The following SH3BP4 variants were observed in gnomAD, a reference collection of about 807,000 sequenced individuals.
SH3BP4 encodes SH3 domain binding protein 4.
In SH3BP4, 33 loss-of-function variants were observed where a neutral mutation model predicts 65.5. The ratio of observed to expected loss-of-function variants is 0.50; its 90% CI spans 0.38 to 0.67. The LOEUF (loss-of-function observed/expected upper bound fraction) is 0.67, where lower values mean the gene tolerates loss of function less well. Among genes scored for constraint, SH3BP4 ranks in the 30% least tolerant of loss-of-function variants. The pLI is 0.00. For synonymous variants in SH3BP4, 552 were observed against 545.5 expected, an observed-to-expected ratio of 1.01 and a Z score of -0.17; for missense variants, 1,134 against 1,261.4, an observed-to-expected ratio of 0.90 and a Z score of 1.53.
chr2:234,979,882 GCCTGGGCCAAGA>G (rs1200950209), intron 1 of SH3BP4: 1 of 152,132 alleles, frequency 6.6e-6, no homozygotes, highest in Non-Finnish European at 1.5e-5. Flanking sequence ...TGACACCCCA[GCCTGGGCCAAGA>G]CTTTGATGGC....
Position 234,952,888 on chromosome 2 carries a change from T to C in SH3BP4, c.-207+718T>C, listed in dbSNP as rs1003266763. The C allele has an allele frequency of 6.6e-6, 1 of 150,530 alleles. No homozygotes were observed. The highest frequency in any genetic ancestry group is 1.5e-5 in the Non-Finnish European group (1 of 67,714). 9.3% of individuals were successfully genotyped at this position (150,530 alleles called of 1,614,324 possible). A position where few individuals can be genotyped will look rare whatever the true frequency, so the allele number is the denominator to read the frequency against. ...AAGCCCGCTCCGCGGCACGGGCGGG[T>C]GTCAGTTGGGACCCCAACCCTGGGT... On this transcript the variant is annotated intron_variant, in intron 1 of 5. Coordinates refer to ENST00000392011, the MANE Select transcript of SH3BP4 (RefSeq NM_014521.3). The surrounding 1 kb of genome is among the most constrained non-coding windows in gnomAD (Gnocchi z 6.5).
chr2:235,041,245 A>G lies in SH3BP4; in HGVS notation c.476A>G (p.Asn159Ser). Residue 159 changes from asparagine to serine, a missense_variant, in exon 4 of 6, where the codon AAC becomes AGC. By Grantham distance (46) the Asn-to-Ser change is conservative. Coordinates refer to ENST00000392011, the MANE Select transcript of SH3BP4 (RefSeq NM_014521.3). This position sits in a 1 kb window ranked among gnomAD's most constrained non-coding sequence, Gnocchi z 6.0. ...GTACCAGGCAGAATGTACAGTAATA[A>G]CCCTTTCTGGAATGGGGTCCAGACC... ...KKVPGRMYSN[N>S]PFWNGVQTNP... 6.2e-7 allele frequency: 1 copy of G among 1,614,074 alleles called. No homozygotes were observed. Among genetic ancestry groups the G allele is most frequent in the Non-Finnish European group, 8.5e-7 (1 of 1,180,012 alleles).
chr2:235,040,861 C>T, intron 3 of SH3BP4, 27 bp from the exon 4 acceptor site: 1 of 1,595,132 alleles, frequency 6.3e-7, no homozygotes, highest in Non-Finnish European at 8.6e-7. Flanking sequence ...TTGCCCTCAC[C>T]ATCTGTTTTC....
chr2:235,028,627 G>A (rs1264469132), intron 2 of SH3BP4, among the ~76,000 whole-genome samples: 2 of 152,314 alleles, frequency 1.3e-5, no homozygotes, highest in African/African-American at 4.8e-5. Flanking sequence ...CAAACAGATG[G>A]TCTTATGTCC....
rs116246145 is a variant in SH3BP4 at position 235,031,037 on chromosome 2, C to T, written c.-132-3834C>T. Among the ~76,000 whole-genome samples, 928 of 152,204 alleles carry T rather than the reference C, an allele frequency of 6.1e-3. 7 individuals carry two copies. Among genetic ancestry groups the T allele is most frequent in the African/African-American group, 0.022 (900 of 41,508 alleles). ...AGGAAGCTGTCAGTCTGGGGATTTA[C>T]AGAGCATTGAGGACCACAGGACACA... On this transcript the variant is annotated intron_variant, in intron 2 of 5. Coordinates refer to ENST00000392011, the MANE Select transcript of SH3BP4 (RefSeq NM_014521.3).
chr2:235,050,978 C>T (rs753808938), intron 4 of SH3BP4, among the ~76,000 whole-genome samples: 82 of 152,180 alleles, frequency 5.4e-4, no homozygotes, highest in Non-Finnish European at 8.4e-4. Context: ...TGTCCAGGGG[C>T]TCACGGGAGC....
intron 2 of SH3BP4, among the ~76,000 whole-genome samples, chr2:235,006,349 TG>T (rs1250892492): frequency 6.6e-6 from 1 of 152,146 alleles, no homozygotes; most frequent in Non-Finnish European, 1.5e-5. Context: ...ATACGCATCA[TG>T]GGTTTGGTCA....
At position 235,052,742 on chromosome 2, in the gene SH3BP4, G is replaced by T; in HGVS notation, c.2659G>T (p.Asp887Tyr). The T allele has an allele frequency of 6.3e-7, 1 of 1,593,790 alleles. No homozygotes were observed. ...CCACCGGGACAGGAACGGGGTTGTGGACAGCGAGGTGAGCAGCGGCTGAGC... is the reference window on the plus strand; with the variant it reads ...CCACCGGGACAGGAACGGGGTTGTGTACAGCGAGGTGAGCAGCGGCTGAGC... The part of the protein sequence containing the change: ...SPHRDRNGVV[D>Y]SEAMWKPAYD... Residue 887 changes from aspartate (D) to tyrosine (Y), a missense_variant, in exon 5 of 6, where the codon GAC becomes TAC. Coordinates refer to ENST00000392011, the MANE Select transcript of SH3BP4 (RefSeq NM_014521.3). The surrounding 1 kb of genome is among the most constrained non-coding windows in gnomAD (Gnocchi z 5.0).
At chr2:235,004,743 A>G (rs1218768526) in intron 2 of SH3BP4, among the ~76,000 whole-genome samples, 3 of 152,172 alleles carry the variant, frequency 2.0e-5, no homozygotes, top group Admixed American at 6.5e-5. Context: ...ATTCCATTGT[A>G]TGGCTATGTT....
intron 3 of SH3BP4, among the ~76,000 whole-genome samples, chr2:235,038,375 A>AT (rs1559254624): frequency 1.0e-4 from 4 of 40,032 alleles, no homozygotes; most frequent in African/African-American, 4.6e-4. Flanking sequence ...TAATATATAT[A>AT]CATATATATA....
At chr2:235,021,026 C>T (rs1694833378) in intron 2 of SH3BP4, among the ~76,000 whole-genome samples, 1 of 152,162 alleles carries the variant, frequency 6.6e-6, no homozygotes, top group Non-Finnish European at 1.5e-5. Flanking sequence ...GTATCATCTA[C>T]AGCTTTTTTT....
rs1693963474 is a variant in SH3BP4 at position 234,997,621 on chromosome 2, C to G, written c.-133+2245C>G. On this transcript the variant is annotated intron_variant, in intron 2 of 5. Transcript: ENST00000392011. This position sits in a 1 kb window ranked among gnomAD's most constrained non-coding sequence, Gnocchi z 4.2. ...CGGAGCCGGTGCGGAGATCGAGGCC[C>G]CACAAGGCCTGCCCCTGTGGTTGTT... Among the ~76,000 whole-genome samples, 1 of 152,196 alleles carries G rather than the reference C, an allele frequency of 6.6e-6. No individual in the cohort carries two copies. The highest frequency in any genetic ancestry group is 1.5e-5 in the Non-Finnish European group (1 of 68,038).
At chr2:234,953,667 G>C (rs1692525520) in intron 1 of SH3BP4, among the ~76,000 whole-genome samples, 1 of 152,160 alleles carries the variant, frequency 6.6e-6, no homozygotes, top group African/African-American at 2.4e-5. Context: ...TCCGTGGATG[G>C]ACAGCGGCTG....
At chr2:235,020,413 C>A (rs1694817650) in intron 2 of SH3BP4, among the ~76,000 whole-genome samples, 1 of 152,104 alleles carries the variant, frequency 6.6e-6, no homozygotes, top group South Asian at 2.1e-4. Flanking sequence ...AGGAGAATTG[C>A]TTGAACCCAG....
chr2:234,988,748 C>T (rs907858694), intron 1 of SH3BP4, among the ~76,000 whole-genome samples: 2 of 152,162 alleles, frequency 1.3e-5, no homozygotes, highest in Non-Finnish European at 2.9e-5. Context: ...TGAACAAAGC[C>T]GTTGCGGGTG....
chr2:235,053,561 T>A (rs1163673628), intron 5 of SH3BP4, 31 bp from the exon 6 acceptor site: 1 of 1,540,568 alleles, frequency 6.5e-7, no homozygotes, highest in African/African-American at 1.4e-5. Context: ...CCTCTCTCCC[T>A]CCTTTTGTTT....
chr2:235,035,940 C>G lies in SH3BP4; in HGVS notation c.118+820C>G, dbSNP rs1293406599. 6.6e-6 allele frequency among the ~76,000 whole-genome samples: 1 copy of G among 152,212 alleles called. No individual in the cohort carries two copies. The highest frequency in any genetic ancestry group is 1.5e-5 in the Non-Finnish European group (1 of 68,046). On this transcript the variant is annotated intron_variant, in intron 3 of 5. Coordinates refer to ENST00000392011, the MANE Select transcript of SH3BP4 (RefSeq NM_014521.3). The surrounding 1 kb of genome is among the most constrained non-coding windows in gnomAD (Gnocchi z 5.0). ...CAATATCATCATCCCTTGGCTTTCT[C>G]TTAGCTGTTGAAACTGTCTTGCCTG...
At chr2:235,032,917 C>T (rs151148287) in intron 2 of SH3BP4, among the ~76,000 whole-genome samples, 82 of 152,326 alleles carry the variant, frequency 5.4e-4, no homozygotes, top group African/African-American at 1.9e-3. Context: ...GTCGTAACTT[C>T]ATGGGGAAAG....
chr2:234,984,815 T>C (rs1693496929), intron 1 of SH3BP4, among the ~76,000 whole-genome samples: 1 of 151,622 alleles, frequency 6.6e-6, no homozygotes, highest in East Asian at 1.9e-4. Context: ...TGGGTGCTGA[T>C]GTTTTCGGGG....
Sources: allele counts gnomAD v4.1 joint callset (sites outside exome capture counted in the v4.1 genomes callset), GRCh38; gene constraint gnomAD v4.1.1; non-coding constraint Gnocchi (gnomAD v3.1); transcripts MANE v1.5; gene names NCBI Gene and HGNC (gene_info 2026-07-23, HGNC 2026-07-21).